Variants in PDGFC observed in about 807,000 individuals in gnomAD.
PDGFC encodes the protein platelet derived growth factor C.
PDGFC carries 12 observed loss-of-function variants against 35.5 expected under a neutral mutation model. The ratio of observed to expected loss-of-function variants is 0.34; its 90% CI spans 0.22 to 0.55. The LOEUF (loss-of-function observed/expected upper bound fraction) is 0.55. Among genes scored for constraint, PDGFC ranks in the 20% least tolerant of loss-of-function variants. The probability of loss-of-function intolerance (pLI) is 0.91; values close to 1 mark genes in which losing one functional copy is unlikely to be tolerated. For synonymous variants in PDGFC, 159 were observed against 148.8 expected, an observed-to-expected ratio of 1.07 and a Z score of -0.50; for missense variants, 322 against 412.4, an observed-to-expected ratio of 0.78 and a Z score of 1.90.
At chr4:156,793,534 CATATAT>C (rs66571528) in intron 3 of PDGFC, among the ~76,000 whole-genome samples, 7,070 of 130,592 alleles carry the variant, frequency 0.054, 544 homozygotes, top group African/African-American at 0.18. Flanking sequence ...GAATTATGTG[CATATAT>C]ATATATATAT....
intron 1 of PDGFC, among the ~76,000 whole-genome samples, chr4:156,963,433 T>C (rs539467903): frequency 2.9e-4 from 44 of 151,884 alleles, no homozygotes; most frequent in Non-Finnish European, 5.7e-4. Context: ...ATCATACCAC[T>C]GCACTCCAGC....
chr4:156,888,985 TA>T (rs1199434497), intron 1 of PDGFC, among the ~76,000 whole-genome samples: 1 of 152,206 alleles, frequency 6.6e-6, no homozygotes, highest in Non-Finnish European at 1.5e-5. Flanking sequence ...TCATGGTTTG[TA>T]ACAATTTCTT....
rs867389711 is a variant in PDGFC at position 156,937,355 on chromosome 4, C to T, written c.118+33431G>A. On this transcript the variant is annotated intron_variant, in intron 1 of 5. Coordinates refer to ENST00000502773, the MANE Select transcript of PDGFC (RefSeq NM_016205.3). The stretch of plus-strand genomic sequence containing the variant: ...AATATGAGGTATTTCTTCTGGAGAC[C>T]ACCACAATGAAACCCTAAGTGAAGA... Among the ~76,000 whole-genome samples the T allele has an allele frequency of 3.6e-4, 55 of 152,022 alleles. 1 individual carries two copies. Among genetic ancestry groups the T allele is most frequent in the African/African-American group, 1.1e-3 (47 of 41,388 alleles).
chr4:156,944,204 T>C (rs1731882168), intron 1 of PDGFC, among the ~76,000 whole-genome samples: 1 of 152,152 alleles, frequency 6.6e-6, no homozygotes. Context: ...ATGCTAGTAA[T>C]TTCACTCAAA....
chr4:156,965,295 C>T (rs948287671), intron 1 of PDGFC, among the ~76,000 whole-genome samples: 1 of 152,128 alleles, frequency 6.6e-6, no homozygotes, highest in Non-Finnish European at 1.5e-5. Context: ...AGATACTCAT[C>T]GGGCACACTC....
At chr4:156,927,374 A>C (rs376229995) in intron 1 of PDGFC, among the ~76,000 whole-genome samples, 1 of 152,068 alleles carries the variant, frequency 6.6e-6, no homozygotes, top group Non-Finnish European at 1.5e-5. Context: ...CTCCTCAAAA[A>C]TGGGTTTTTC....
chr4:156,799,871 T>C (rs1433877076), intron 3 of PDGFC, among the ~76,000 whole-genome samples: 1 of 152,200 alleles, frequency 6.6e-6, no homozygotes, highest in Admixed American at 6.5e-5. Context: ...ACCCTCAATA[T>C]TTATCACCAT....
intron 5 of PDGFC, among the ~76,000 whole-genome samples, chr4:156,767,182 C>T (rs985024545): frequency 6.6e-6 from 1 of 151,946 alleles, no homozygotes; most frequent in African/African-American, 2.4e-5. Context: ...CTAAGGTTTC[C>T]AGGGTTCTAA....
intron 3 of PDGFC, among the ~76,000 whole-genome samples, chr4:156,784,682 G>A (rs1475934695): frequency 6.6e-6 from 1 of 152,024 alleles, no homozygotes; most frequent in Admixed American, 6.6e-5. Flanking sequence ...AGAAAAGAAG[G>A]CCAATGAATA....
chr4:156,950,410 T>C (rs1054576585), intron 1 of PDGFC, among the ~76,000 whole-genome samples: 1 of 151,866 alleles, frequency 6.6e-6, no homozygotes, highest in Admixed American at 6.6e-5. Flanking sequence ...TTCCCAAACT[T>C]CATTGGCGCT....
intron 1 of PDGFC, among the ~76,000 whole-genome samples, chr4:156,935,750 T>C (rs1731665262): frequency 6.6e-6 from 1 of 152,186 alleles, no homozygotes; most frequent in Admixed American, 6.6e-5. Context: ...GTAAGAGCCA[T>C]AGCAGCAACA....
intron 3 of PDGFC, among the ~76,000 whole-genome samples, chr4:156,801,164 G>A (rs2110914327): frequency 6.6e-6 from 1 of 152,192 alleles, no homozygotes; most frequent in East Asian, 1.9e-4. Context: ...AACAGGTCCT[G>A]TGGCCCCCAC....
intron 3 of PDGFC, among the ~76,000 whole-genome samples, chr4:156,782,377 G>A (rs539689318): frequency 2.6e-5 from 4 of 152,224 alleles, no homozygotes; most frequent in Admixed American, 2.6e-4. Flanking sequence ...GGCCCACCAT[G>A]TCACTGGTAT....
chr4:156,818,526 T>TG (rs1392219490), intron 2 of PDGFC, among the ~76,000 whole-genome samples: 76 of 146,312 alleles, frequency 5.2e-4, no homozygotes, highest in African/African-American at 1.6e-3. Context: ...GTTTTTTTTT[T>TG]TTTTTTTTTT....
chr4:156,936,875 T>C (rs1207843737), intron 1 of PDGFC, among the ~76,000 whole-genome samples: 4 of 152,176 alleles, frequency 2.6e-5, no homozygotes, highest in African/African-American at 4.8e-5. Context: ...AAACAGATCT[T>C]GGAAAACATT....
rs928761766 is a variant in PDGFC, at chr4:156,871,309, AT to A, written c.119-20894del. Among the ~76,000 whole-genome samples, 20 of 151,922 alleles carry A rather than the reference AT, an allele frequency of 1.3e-4. No individual in the cohort carries two copies. The East Asian group carries it at 1.9e-3, about 15-fold the overall frequency. On this transcript the variant is annotated intron_variant, in intron 1 of 5. Coordinates refer to ENST00000502773, the MANE Select transcript of PDGFC (RefSeq NM_016205.3). The stretch of plus-strand genomic sequence containing the variant: ...AACAGGCCTAAAAGGGATTAGATTT[AT>A]TTTTCCCCCCCTGGCAAAGACTGCA...
chr4:156,866,625 T>C (rs1445976890), intron 1 of PDGFC, among the ~76,000 whole-genome samples: 1 of 152,128 alleles, frequency 6.6e-6, no homozygotes, highest in Middle Eastern at 3.2e-3. Flanking sequence ...ATTGCCCCAA[T>C]TGGTACATTA....
chr4:156,881,234 C>T (rs1268512406), intron 1 of PDGFC, among the ~76,000 whole-genome samples: 1 of 152,164 alleles, frequency 6.6e-6, no homozygotes, highest in Non-Finnish European at 1.5e-5. Context: ...AAGGTTACTA[C>T]TTGCTAAAGG....
intron 1 of PDGFC, among the ~76,000 whole-genome samples, chr4:156,950,212 T>C: frequency 6.6e-6 from 1 of 151,880 alleles, no homozygotes; most frequent in East Asian, 1.9e-4. Flanking sequence ...AAATTTTCCT[T>C]TTTGAAGATG....
Sources: gnomAD v4.1 joint callset for allele counts (sites outside exome capture counted in the v4.1 genomes callset) on GRCh38, gnomAD v4.1.1 for gene constraint, MANE v1.5 for transcripts, NCBI Gene and HGNC (gene_info 2026-07-23, HGNC 2026-07-21) for gene names.